The following CNTNAP2 variants were observed in gnomAD, a reference collection of about 807,000 sequenced individuals.
CNTNAP2 encodes the protein contactin associated protein 2, also known as contactin-associated protein-like 2.
CNTNAP2 carries 98 observed loss-of-function variants against 155.2 expected under a neutral mutation model. The ratio of observed to expected loss-of-function variants is 0.63; its 90% confidence interval spans 0.54 to 0.75. The LOEUF is 0.75. Among genes scored for constraint, CNTNAP2 ranks in the 30% least tolerant of loss-of-function variants. The probability of loss-of-function intolerance (pLI) is 0.00; values close to 1 mark genes in which losing one functional copy is unlikely to be tolerated. For missense variants in CNTNAP2, 1,727 were observed against 1,688.1 expected (o/e 1.02, Z -0.40); for synonymous variants, 651 against 631.2 (o/e 1.03, Z -0.47).
chr7:146,233,554 T>C (rs921264478), intron 1 of CNTNAP2, among the ~76,000 whole-genome samples: 37 of 152,232 alleles, frequency 2.4e-4, no homozygotes, highest in Admixed American at 4.6e-4. Flanking sequence ...CATGCTAGTG[T>C]GCTGCACCCA....
chr7:147,994,805 A>G (rs536422909), intron 15 of CNTNAP2, among the ~76,000 whole-genome samples: 4 of 152,128 alleles, frequency 2.6e-5, no homozygotes, highest in African/African-American at 9.7e-5. Context: ...GGTAACCACA[A>G]CTCAGGGCTT....
chr7:146,363,598 G>C (rs1355586953), intron 1 of CNTNAP2, among the ~76,000 whole-genome samples: 1 of 152,176 alleles, frequency 6.6e-6, no homozygotes, highest in African/African-American at 2.4e-5. Context: ...GGCTGACATA[G>C]GGGAGAGTCC....
At chr7:147,875,413 A>G (rs1186238360) in intron 13 of CNTNAP2, among the ~76,000 whole-genome samples, 1 of 152,086 alleles carries the variant, frequency 6.6e-6, no homozygotes, top group Non-Finnish European at 1.5e-5. Flanking sequence ...ATTCACTATC[A>G]TGAGAACAGC....
At chr7:147,425,180 A>G (rs1024961523) in intron 10 of CNTNAP2, among the ~76,000 whole-genome samples, 1 of 150,852 alleles carries the variant, frequency 6.6e-6, no homozygotes, top group Non-Finnish European at 1.5e-5. Flanking sequence ...GATGATGAGA[A>G]TAATGCATGT....
chr7:146,663,700 C>G (rs961827281), intron 1 of CNTNAP2, among the ~76,000 whole-genome samples: 6 of 151,974 alleles, frequency 3.9e-5, no homozygotes, highest in Non-Finnish European at 8.8e-5. Flanking sequence ...TAATGGAATA[C>G]TTTTTGTATC....
chr7:146,614,965 A>G (rs186484675), intron 1 of CNTNAP2, among the ~76,000 whole-genome samples: 357 of 152,344 alleles, frequency 2.3e-3, no homozygotes, highest in African/African-American at 8.0e-3. Flanking sequence ...ATATAATAAA[A>G]GAAGGCAAAA....
At chr7:148,369,684 T>C (rs929248293) in intron 21 of CNTNAP2, among the ~76,000 whole-genome samples, 2 of 148,420 alleles carry the variant, frequency 1.3e-5, no homozygotes, top group African/African-American at 5.0e-5. Flanking sequence ...ATTATTACTA[T>C]TACTGCTACA....
chr7:148,279,301 C>T (rs1378233493), intron 21 of CNTNAP2, among the ~76,000 whole-genome samples: 1 of 152,098 alleles, frequency 6.6e-6, no homozygotes, highest in East Asian at 1.9e-4. Flanking sequence ...GTTAGAGGCA[C>T]GTGCACCAAC....
chr7:146,143,272 GA>G (rs747689277), intron 1 of CNTNAP2, among the ~76,000 whole-genome samples: 16 of 152,076 alleles, frequency 1.1e-4, no homozygotes, highest in Non-Finnish European at 1.8e-4. Context: ...AAAAGTCTTT[GA>G]AAATAAAGAA....
Position 147,267,766 on chromosome 7 carries a change from C to T in CNTNAP2, c.1349-32375C>T, listed in dbSNP as rs113431793. On this transcript the variant is annotated intron_variant, in intron 8 of 23. Transcript: ENST00000361727. ...TAATTTTCATAGTACTCTCATAAAA[C>T]TGATATGTGTTGAGTGTGTTTTCGA... is the stretch of plus-strand genomic sequence containing the variant. 7.0e-3 allele frequency among the ~76,000 whole-genome samples: 1,067 copies of T among 152,260 alleles called. 19 individuals are homozygous for T. The highest frequency in any genetic ancestry group is 0.024 in the African/African-American group (1,015 of 41,550).
intron 11 of CNTNAP2, among the ~76,000 whole-genome samples, chr7:147,490,184 G>A (rs1798581518): frequency 1.3e-5 from 2 of 151,980 alleles, no homozygotes; most frequent in South Asian, 2.1e-4. Context: ...ATGTTTCCAG[G>A]GGAAACAGGA....
rs201812643 is a variant in CNTNAP2, at chr7:147,147,472, C to CA, written c.1348+14971dup. Among the ~76,000 whole-genome samples the CA allele has an allele frequency of 4.7e-3, 712 of 151,390 alleles. 3 individuals carry two copies. The highest frequency in any genetic ancestry group is 0.013 in the African/African-American group (528 of 41,266). ...AATTCAATAAATGATTCCTTTTCAG[C>CA]AAAAAAAACAAAAACAAAGTGTGTC... is the stretch of plus-strand genomic sequence containing the variant. On this transcript the variant is annotated intron_variant, in intron 8 of 23. Transcript: ENST00000361727.
chr7:146,327,049 G>C (rs1220790972), intron 1 of CNTNAP2, among the ~76,000 whole-genome samples: 1 of 152,094 alleles, frequency 6.6e-6, no homozygotes, highest in Non-Finnish European at 1.5e-5. Flanking sequence ...TATACTGCAA[G>C]TAGTAAAATC....
chr7:147,642,930 C>CT (rs1034203509), intron 13 of CNTNAP2, among the ~76,000 whole-genome samples: 3 of 152,114 alleles, frequency 2.0e-5, no homozygotes, highest in East Asian at 1.9e-4. Flanking sequence ...TAATATATAG[C>CT]TTTAAGTGTT....
chr7:147,902,710 A>C (rs1337147620), intron 13 of CNTNAP2, among the ~76,000 whole-genome samples: 3 of 151,618 alleles, frequency 2.0e-5, no homozygotes, highest in Admixed American at 6.6e-5. Context: ...CTTCAGTCCC[A>C]TCCAGGTTGC....
At chr7:147,913,559 TG>T (rs1800106203) in intron 14 of CNTNAP2, among the ~76,000 whole-genome samples, 1 of 152,072 alleles carries the variant, frequency 6.6e-6, no homozygotes, top group South Asian at 2.1e-4. Context: ...ACATGGACAA[TG>T]GATATTTAAA....
chr7:147,448,940 T>C (rs1342307926), intron 10 of CNTNAP2, among the ~76,000 whole-genome samples: 1 of 152,114 alleles, frequency 6.6e-6, no homozygotes, highest in Non-Finnish European at 1.5e-5. Flanking sequence ...ATAAACTCTT[T>C]GAATAAAAAA....
chr7:148,151,433 G>T (rs556684821), intron 17 of CNTNAP2, among the ~76,000 whole-genome samples: 3 of 151,982 alleles, frequency 2.0e-5, no homozygotes, highest in African/African-American at 7.3e-5. Flanking sequence ...GGCCTCCTGT[G>T]TAGCTGGGAT....
rs762144088 is a variant in CNTNAP2, at chr7:148,409,432, A to T, written c.3757A>T (p.Ile1253Leu). 1 of 1,613,928 alleles carries T rather than the reference A, an allele frequency of 6.2e-7. No individual in the cohort carries two copies. Among genetic ancestry groups the T allele is most frequent in the Admixed American group, 1.7e-5 (1 of 60,028 alleles). ...ATATAATCCAGGACAAGGCCAAGCT[A>T]TAAGAAATGGAGTCAACAGAAACTC... ...FPYNPGQGQA[I>L]RNGVNRNSAI... The change falls in exon 23 of 24, where the codon ATA (isoleucine) becomes TTA (leucine). Residue 1253 changes from isoleucine to leucine, a missense_variant. By Grantham distance (5) the Ile-to-Leu change is conservative (BLOSUM62 2). Coordinates refer to ENST00000361727, the MANE Select transcript of CNTNAP2 (RefSeq NM_014141.6).
Sources: gnomAD v4.1 joint callset for allele counts (sites outside exome capture counted in the v4.1 genomes callset) on GRCh38, gnomAD v4.1.1 for gene constraint, MANE v1.5 for transcripts, NCBI Gene and HGNC (gene_info 2026-07-23, HGNC 2026-07-21) for gene names.